CHCHD6: variants seen among roughly 807,000 people sequenced by gnomAD.
CHCHD6 encodes the protein MICOS complex subunit MIC25.
In CHCHD6, 28 loss-of-function variants were observed where a neutral mutation model predicts 32.3. That is an observed-to-expected ratio of 0.87 (90% CI 0.64 to 1.19). The LOEUF (loss-of-function observed/expected upper bound fraction) is 1.19, where lower values mean the gene tolerates loss of function less well. Ranked by LOEUF, CHCHD6 falls within the 50% of genes most tolerant of loss-of-function variation. CHCHD6 has a pLI of 0.00. For missense variants in CHCHD6, 333 were observed against 307.0 expected (o/e 1.08, Z -0.63); for synonymous variants, 122 against 117.5 (o/e 1.04, Z -0.25).
chr3:126,929,594 C>T (rs1402637741), intron 6 of CHCHD6, among the ~76,000 whole-genome samples: 3 of 151,900 alleles, frequency 2.0e-5, no homozygotes, highest in Non-Finnish European at 4.4e-5. Flanking sequence ...GAGACAGGGT[C>T]TCGCTCTGTC....
intron 5 of CHCHD6, among the ~76,000 whole-genome samples, chr3:126,905,204 G>A (rs555705628): frequency 4.0e-4 from 61 of 152,312 alleles, no homozygotes; most frequent in African/African-American, 1.2e-3. Flanking sequence ...GAGCCCAAGC[G>A]GGTCCCAGTC....
At chr3:126,722,616 A>ATT (rs1171792158) in intron 1 of CHCHD6, among the ~76,000 whole-genome samples, 1 of 152,100 alleles carries the variant, frequency 6.6e-6, no homozygotes, top group Non-Finnish European at 1.5e-5. Flanking sequence ...AAAAATTTCT[A>ATT]TTTAGATCCT....
chr3:126,730,276 G>A (rs1559809064), intron 2 of CHCHD6, among the ~76,000 whole-genome samples: 1 of 152,166 alleles, frequency 6.6e-6, no homozygotes, highest in Non-Finnish European at 1.5e-5. Context: ...TAATTGTCAG[G>A]AGAGTAGGGA....
At chr3:126,935,308 C>G (rs923246172) in intron 6 of CHCHD6, 1 of 238,740 alleles carries the variant, frequency 4.2e-6, no homozygotes, top group Non-Finnish European at 6.8e-6. Flanking sequence ...CTGGCCTCAT[C>G]TGTATCCCTC....
At chr3:126,749,317 C>CTTTGT (rs1936631462) in intron 4 of CHCHD6, among the ~76,000 whole-genome samples, 1 of 151,996 alleles carries the variant, frequency 6.6e-6, no homozygotes, top group Non-Finnish European at 1.5e-5. Context: ...TCATGGTGAC[C>CTTTGT]CAGACAAAGG....
intron 4 of CHCHD6, chr3:126,766,834 T>G: frequency 2.1e-6 from 2 of 970,134 alleles, no homozygotes; most frequent in Non-Finnish European, 3.4e-6. Flanking sequence ...AGTATAGATC[T>G]GGGACACCCG....
Position 126,942,961 on chromosome 3 carries a change from T to C in CHCHD6, c.567-14455T>C, listed in dbSNP as rs146449597. On this transcript the variant is annotated intron_variant, in intron 6 of 7. Transcript: ENST00000290913. ...CATAGTGATACTTCCAGTTCTAATA[T>C]CTGGAGGCTCTTTGTAGGGCTCTCT... 3.3e-5 allele frequency among the ~76,000 whole-genome samples: 5 copies of C among 152,272 alleles called. No individual in the cohort carries two copies. The East Asian group carries it at 9.6e-4, about 29-fold the overall frequency.
intron 6 of CHCHD6, among the ~76,000 whole-genome samples, chr3:126,945,092 C>T (rs377081109): frequency 1.3e-5 from 2 of 152,114 alleles, no homozygotes; most frequent in East Asian, 1.9e-4. Context: ...TAGGCTGGTA[C>T]GATGGAGTTT....
At chr3:126,951,487 G>C (rs1481265996) in intron 6 of CHCHD6, among the ~76,000 whole-genome samples, 2 of 152,200 alleles carry the variant, frequency 1.3e-5, no homozygotes, top group African/African-American at 2.4e-5. Flanking sequence ...GTCATGAGTG[G>C]AAAGGGAAGG....
At chr3:126,813,167 A>G (rs768984178) in intron 4 of CHCHD6, among the ~76,000 whole-genome samples, 4 of 152,090 alleles carry the variant, frequency 2.6e-5, no homozygotes, top group African/African-American at 4.8e-5. Context: ...TTGAGTTCAG[A>G]TCTTCATTTT....
At chr3:126,796,395 T>G (rs1326893231) in intron 4 of CHCHD6, among the ~76,000 whole-genome samples, 2 of 152,174 alleles carry the variant, frequency 1.3e-5, no homozygotes, top group African/African-American at 2.4e-5. Context: ...GTCAATCAAA[T>G]GAAGGTTCTT....
chr3:126,708,331 A>G (rs1304004785), intron 1 of CHCHD6, among the ~76,000 whole-genome samples: 2 of 152,210 alleles, frequency 1.3e-5, no homozygotes, highest in African/African-American at 4.8e-5. Flanking sequence ...CTCTGACTCC[A>G]TAGCCCATGT....
At chr3:126,889,574 A>G (rs989058665) in intron 5 of CHCHD6, among the ~76,000 whole-genome samples, 1 of 152,154 alleles carries the variant, frequency 6.6e-6, no homozygotes, top group Non-Finnish European at 1.5e-5. Flanking sequence ...GACTGTGCCC[A>G]TCACACTTGC....
chr3:126,900,750 A>G (rs562783950), intron 5 of CHCHD6, among the ~76,000 whole-genome samples: 7 of 152,064 alleles, frequency 4.6e-5, no homozygotes, highest in Non-Finnish European at 1.0e-4. Context: ...GATTACAGGC[A>G]TGTGCCACCA....
chr3:126,718,379 A>G (rs1250785918), intron 1 of CHCHD6, among the ~76,000 whole-genome samples: 2 of 151,342 alleles, frequency 1.3e-5, no homozygotes, highest in African/African-American at 4.9e-5. Context: ...AGATTGCTTC[A>G]TTTAATCCTG....
At chr3:126,928,677 G>A (rs2078359054) in intron 6 of CHCHD6, among the ~76,000 whole-genome samples, 1 of 152,168 alleles carries the variant, frequency 6.6e-6, no homozygotes, top group South Asian at 2.1e-4. Flanking sequence ...AGTCTCCCTG[G>A]GAAGCGGAGG....
intron 4 of CHCHD6, among the ~76,000 whole-genome samples, chr3:126,790,369 T>A (rs1938464349): frequency 6.6e-6 from 1 of 152,194 alleles, no homozygotes; most frequent in South Asian, 2.1e-4. Flanking sequence ...AATGTTGGCC[T>A]GCCTTGCTAG....
At chr3:126,901,652 C>T (rs74742824) in intron 5 of CHCHD6, among the ~76,000 whole-genome samples, 2,482 of 152,320 alleles carry the variant, frequency 0.016, 68 homozygotes, top group African/African-American at 0.055. Context: ...CAGACTACAT[C>T]TTAGACTTAT....
chr3:126,837,574 A>G (rs1261901591), intron 4 of CHCHD6, among the ~76,000 whole-genome samples: 1 of 152,192 alleles, frequency 6.6e-6, no homozygotes, highest in Non-Finnish European at 1.5e-5. Flanking sequence ...TCATACATAC[A>G]TATATACATA....
Sources: gnomAD v4.1 joint callset for allele counts (sites outside exome capture counted in the v4.1 genomes callset) on GRCh38, gnomAD v4.1.1 for gene constraint, MANE v1.5 for transcripts, NCBI Gene and HGNC (gene_info 2026-07-23, HGNC 2026-07-21) for gene names.